Variants in MAFB observed in about 807,000 individuals in gnomAD.
The protein encoded by MAFB is MAF bZIP transcription factor B, also known as transcription factor MafB.
In MAFB, 3 loss-of-function variants were observed where a neutral mutation model predicts 17.7. The observed-to-expected ratio is 0.17, with a 90% CI of 0.08 to 0.44. The LOEUF (loss-of-function observed/expected upper bound fraction) is 0.44. Ranked by LOEUF, MAFB falls within the 20% of genes least tolerant of loss-of-function variation. MAFB has a pLI of 0.99. For synonymous variants in MAFB, 214 were observed against 211.5 expected, an observed-to-expected ratio of 1.01 and a Z score of -0.10; for missense variants, 355 against 461.3, an observed-to-expected ratio of 0.77 and a Z score of 2.11.
rs1600427637 is a variant in MAFB, at chr20:40,686,698, A to G, written c.*1181T>C. On this transcript the variant is annotated 3_prime_UTR_variant, in exon 1 of 1. Coordinates refer to ENST00000373313, the MANE Select transcript of MAFB (RefSeq NM_005461.5). Reference sequence around the variant, plus strand: ...CCTTTCCTTTCTTATTAAGGGTATCAATTTGACCATAAGACAAGGCTGTAG... The same window carrying G: ...CCTTTCCTTTCTTATTAAGGGTATCGATTTGACCATAAGACAAGGCTGTAG... The G allele has an allele frequency of 2.5e-6, 1 of 398,628 alleles. No homozygotes were observed. The highest frequency in any genetic ancestry group is 3.6e-5 in the East Asian group (1 of 28,076). The allele number at this position is 398,628 out of a possible 1,614,324, so 24.7% of individuals were successfully genotyped here. A position where few individuals can be genotyped will look rare whatever the true frequency, so the allele number is the denominator to read the frequency against.
chr20:40,688,041 C>T lies in MAFB; in HGVS notation c.810G>A (p.Lys270=), dbSNP rs770274525. 1.2e-6 allele frequency: 2 copies of T among 1,614,218 alleles called. No homozygotes were observed. The highest frequency in any genetic ancestry group is 1.7e-6 in the Non-Finnish European group (2 of 1,180,050). The change falls in exon 1 of 1, where the codon AAG becomes AAA. Residue 270 remains lysine, a synonymous_variant. Coordinates refer to ENST00000373313, the MANE Select transcript of MAFB (RefSeq NM_005461.5). ...VQQKHHLENE[K]TQLIQQVEQL... Reference sequence around the variant, plus strand: ...GCTCCACCTGCTGAATGAGCTGCGTCTTCTCATTCTCCAGGTGGTGCTTCT... The same window carrying T: ...GCTCCACCTGCTGAATGAGCTGCGTTTTCTCATTCTCCAGGTGGTGCTTCT...
Position 40,687,066 on chromosome 20 carries a change from C to A in MAFB, c.*813G>T, listed in dbSNP as rs1259067258. 3 of 398,800 alleles carry A rather than the reference C, an allele frequency of 7.5e-6. No individual in the cohort carries two copies. Among genetic ancestry groups the A allele is most frequent in the African/African-American group, 6.2e-5 (3 of 48,572 alleles). The allele number at this position is 398,800 out of a possible 1,614,324, so 24.7% of individuals were successfully genotyped here. A position where few individuals can be genotyped will look rare whatever the true frequency, so the allele number is the denominator to read the frequency against. On this transcript the variant is annotated 3_prime_UTR_variant, in exon 1 of 1. Coordinates refer to ENST00000373313, the MANE Select transcript of MAFB (RefSeq NM_005461.5). ...TTTGGCGGGGCGGGTATTTACAAGC[C>A]TACAGCTGGGACTGAAACCCCGCAC... is the stretch of plus-strand genomic sequence containing the variant.
rs778898331 is a variant in MAFB at position 40,687,894 on chromosome 20, G to T, written c.957C>A (p.Pro319=). 5.6e-6 allele frequency: 9 copies of T among 1,611,170 alleles called. No individual in the cohort carries two copies. The highest frequency in any genetic ancestry group is 6.8e-6 in the Non-Finnish European group (8 of 1,179,990). ...CGGCCACGACTCACAGAAAGAACTC[G>T]GGAGAGGAGGGGCTGTCGCTGGTGG... The part of the protein sequence containing the change: ...AGSTSDSPSS[P]EFFL The change falls in exon 1 of 1, where the codon CCC becomes CCA. Residue 319 remains proline (P), a synonymous_variant. Transcript: ENST00000373313.
chr20:40,688,524 T>C lies in MAFB; in HGVS notation c.327A>G (p.Glu109=). Residue 109 remains glutamate, a synonymous_variant, in exon 1 of 1, where the codon GAA becomes GAG. Coordinates refer to ENST00000373313, the MANE Select transcript of MAFB (RefSeq NM_005461.5). ...GCACTGGGTGCGAGCCGATGAGCGC[T>C]TCCACCGCGTCCTCGGGCGTCAGGT... ...ALNLTPEDAV[E]ALIGSHPVPQ... is the part of the protein sequence containing the mutation. 6.2e-7 allele frequency: 1 copy of C among 1,613,756 alleles called. No homozygotes were observed. The highest frequency in any genetic ancestry group is 1.7e-5 in the Admixed American group (1 of 60,034).
rs1200984996 is a variant in MAFB at position 40,687,306 on chromosome 20, G to A, written c.*573C>T. ...CAGGCAATAAAACTGATGAGATTTGGGCGCCGAGCGTCCTAACTGAGGCCT... is the reference window on the plus strand; with the variant it reads ...CAGGCAATAAAACTGATGAGATTTGAGCGCCGAGCGTCCTAACTGAGGCCT... On this transcript the variant is annotated 3_prime_UTR_variant, in exon 1 of 1. Coordinates refer to ENST00000373313, the MANE Select transcript of MAFB (RefSeq NM_005461.5). 6 of 397,392 alleles carry A rather than the reference G, an allele frequency of 1.5e-5. No homozygotes were observed. Among genetic ancestry groups the A allele is most frequent in the Non-Finnish European group, 2.7e-5 (6 of 225,834 alleles). 24.6% of individuals were successfully genotyped at this position (397,392 alleles called of 1,614,324 possible). A position where few individuals can be genotyped will look rare whatever the true frequency, so the allele number is the denominator to read the frequency against.
rs1986922133 is a variant in MAFB, at chr20:40,689,224, G to T, written c.-374C>A. On this transcript the variant is annotated 5_prime_UTR_variant, in exon 1 of 1. Coordinates refer to ENST00000373313, the MANE Select transcript of MAFB (RefSeq NM_005461.5). ...CTCGCTCGCAGCCGCTCGCAGCTCG[G>T]CGGTGCAGCTGTGCTGGATCCGGCG... The T allele has an allele frequency of 3.5e-6, 1 of 283,584 alleles. No homozygotes were observed. 17.6% of individuals were successfully genotyped at this position (283,584 alleles called of 1,614,324 possible).
rs1358873300 is a variant in MAFB, at chr20:40,686,647, G to A, written c.*1232C>T. ...AGGGTGATTCTGGTTACAATAAAAA[G>A]CAGAGGGGAGGATCTGTTTTCCTTT... On this transcript the variant is annotated 3_prime_UTR_variant, in exon 1 of 1. Coordinates refer to ENST00000373313, the MANE Select transcript of MAFB (RefSeq NM_005461.5). The A allele has an allele frequency of 2.5e-6, 1 of 398,308 alleles. No homozygotes were observed. The highest frequency in any genetic ancestry group is 4.4e-6 in the Non-Finnish European group (1 of 226,082). 24.7% of individuals were successfully genotyped at this position (398,308 alleles called of 1,614,324 possible). A position where few individuals can be genotyped will look rare whatever the true frequency, so the allele number is the denominator to read the frequency against.
rs1986827862 is a variant in MAFB, at chr20:40,686,358, G to T, written c.*1521C>A. On this transcript the variant is annotated 3_prime_UTR_variant, in exon 1 of 1. Coordinates refer to ENST00000373313, the MANE Select transcript of MAFB (RefSeq NM_005461.5). The stretch of plus-strand genomic sequence containing the variant: ...ACTACTATACAACTGAAGAATTGAA[G>T]GGGGGGGACACCACCAAGAACTCTT... The T allele has an allele frequency of 3.9e-6, 1 of 255,902 alleles. No individual in the cohort carries two copies. Among genetic ancestry groups the T allele is most frequent in the Admixed American group, 5.5e-5 (1 of 18,334 alleles). 15.9% of individuals were successfully genotyped at this position (255,902 alleles called of 1,614,324 possible). A position where few individuals can be genotyped will look rare whatever the true frequency, so the allele number is the denominator to read the frequency against.
In MAFB at chr20:40,687,090, ACG is replaced by A; in HGVS notation, c.*787_*788del. Reference sequence around the variant, plus strand: ...CCTACAGCTGGGACTGAAACCCCGCACGCAGCCGCCGGAGTTTCCAAACTGCG... The same window carrying A: ...CCTACAGCTGGGACTGAAACCCCGCACAGCCGCCGGAGTTTCCAAACTGCG... On this transcript the variant is annotated 3_prime_UTR_variant, in exon 1 of 1. Transcript: ENST00000373313. The A allele has an allele frequency of 2.5e-6, 1 of 399,006 alleles. No individual in the cohort carries two copies. The highest frequency in any genetic ancestry group is 3.6e-5 in the East Asian group (1 of 28,068). The allele number at this position is 399,006 out of a possible 1,614,324, so 24.7% of individuals were successfully genotyped here. A position where few individuals can be genotyped will look rare whatever the true frequency, so the allele number is the denominator to read the frequency against.
chr20:40,687,746 C>T lies in MAFB; in HGVS notation c.*133G>A. 2 of 1,179,892 alleles carry T rather than the reference C, an allele frequency of 1.7e-6. No homozygotes were observed. Among genetic ancestry groups the T allele is most frequent in the Non-Finnish European group, 1.2e-6 (1 of 864,648 alleles). The allele number at this position is 1,179,892 out of a possible 1,614,324, so 73.1% of individuals were successfully genotyped here. A position where few individuals can be genotyped will look rare whatever the true frequency, so the allele number is the denominator to read the frequency against. On this transcript the variant is annotated 3_prime_UTR_variant, in exon 1 of 1. Transcript: ENST00000373313. Reference sequence around the variant, plus strand: ...GTCGCCCGCGGCCCGCGCGCCCTTCCTCCCTCTCGCTCAAGTCAAACAGGT... The same window carrying T: ...GTCGCCCGCGGCCCGCGCGCCCTTCTTCCCTCTCGCTCAAGTCAAACAGGT...
chr20:40,688,280 C>A lies in MAFB; in HGVS notation c.571G>T (p.Gly191Trp). ...QQLPTSHPGP[G>W]PHATASATAA... ...GTCGCCGAGGCCGTCGCGTGCGGCC[C>A]GGGCCCGGGGTGGCTAGTGGGCAGC... is the stretch of plus-strand genomic sequence containing the variant. The change falls in exon 1 of 1, where the codon GGG becomes TGG. Residue 191 changes from glycine (G) to tryptophan (W), a missense_variant. Physicochemically the swap from Gly to Trp is radical, Grantham distance 184. This residue lies in a region of MAFB where 285 missense variants were observed against 350.0 expected (regional missense o/e 0.81). Transcript: ENST00000373313. 1 of 1,544,618 alleles carries A rather than the reference C, an allele frequency of 6.5e-7. No individual in the cohort carries two copies. Among genetic ancestry groups the A allele is most frequent in the Non-Finnish European group, 8.7e-7 (1 of 1,152,004 alleles).
Position 40,688,698 on chromosome 20 carries a change from T to A in MAFB, c.153A>T (p.Pro51=). ...GCGGTGTGGAGGACACCGAGCCGGCTGGCTGCAGGCGTGTGCAGGGCCTGC... is the reference window on the plus strand; with the variant it reads ...GCGGTGTGGAGGACACCGAGCCGGCAGGCTGCAGGCGTGTGCAGGGCCTGC... ...RPGRPCTRLQ[P]AGSVSSTPLS... is the part of the protein sequence containing the mutation. Residue 51 remains proline, a synonymous_variant, in exon 1 of 1, where the codon CCA becomes CCT. Transcript: ENST00000373313. 6.2e-7 allele frequency: 1 copy of A among 1,613,890 alleles called. No individual in the cohort carries two copies. Among genetic ancestry groups the A allele is most frequent in the Non-Finnish European group, 8.5e-7 (1 of 1,179,904 alleles).
In MAFB at chr20:40,688,812, G is replaced by A. The variant is rs1314916717; in HGVS notation, c.39C>T (p.Thr13=). 5 of 1,613,032 alleles carry A rather than the reference G, an allele frequency of 3.1e-6. No individual in the cohort carries two copies. In the South Asian group the frequency reaches 4.4e-5, roughly 14 times the overall value. The change falls in exon 1 of 1, where the codon ACC becomes ACT. Residue 13 remains threonine, a synonymous_variant. Transcript: ENST00000373313. Reference sequence around the variant, plus strand: ...TGACATACTCCATGGCCAGCGGGCTGGTGGGCAGCTCTGGCCCCATGCTCA... The same window carrying A: ...TGACATACTCCATGGCCAGCGGGCTAGTGGGCAGCTCTGGCCCCATGCTCA... The part of the protein sequence containing the change: ...AELSMGPELP[T]SPLAMEYVND...
Position 40,689,207 on chromosome 20 carries a change from C to A in MAFB, c.-357G>T. 3.4e-6 allele frequency: 1 copy of A among 298,038 alleles called. No homozygotes were observed. Among genetic ancestry groups the A allele is most frequent in the Non-Finnish European group, 6.3e-6 (1 of 159,010 alleles). The allele number at this position is 298,038 out of a possible 1,614,324, so 18.5% of individuals were successfully genotyped here. On this transcript the variant is annotated 5_prime_UTR_variant, in exon 1 of 1. Coordinates refer to ENST00000373313, the MANE Select transcript of MAFB (RefSeq NM_005461.5). Reference sequence around the variant, plus strand: ...TCTTGCTCTTACGCTCTCTCGCTCGCAGCCGCTCGCAGCTCGGCGGTGCAG... The same window carrying A: ...TCTTGCTCTTACGCTCTCTCGCTCGAAGCCGCTCGCAGCTCGGCGGTGCAG...
chr20:40,687,875 C>T lies in MAFB; in HGVS notation c.*4G>A. ...CAAGGGCGGGGGCCAGGACCGGCCA[C>T]GACTCACAGAAAGAACTCGGGAGAG... On this transcript the variant is annotated 3_prime_UTR_variant, in exon 1 of 1. Coordinates refer to ENST00000373313, the MANE Select transcript of MAFB (RefSeq NM_005461.5). 1 of 1,608,248 alleles carries T rather than the reference C, an allele frequency of 6.2e-7. No individual in the cohort carries two copies. The highest frequency in any genetic ancestry group is 8.5e-7 in the Non-Finnish European group (1 of 1,179,730).
chr20:40,687,638 G>C lies in MAFB; in HGVS notation c.*241C>G. 1.7e-6 allele frequency: 1 copy of C among 594,252 alleles called. No homozygotes were observed. Among genetic ancestry groups the C allele is most frequent in the Admixed American group, 3.0e-5 (1 of 33,686 alleles). 36.8% of individuals were successfully genotyped at this position (594,252 alleles called of 1,614,324 possible). The stretch of plus-strand genomic sequence containing the variant: ...TCCCACCCTCTCGTCTCTCTCTCCG[G>C]CTCTGCTCGAGTCTAGGAGGCGGCG... On this transcript the variant is annotated 3_prime_UTR_variant, in exon 1 of 1. Transcript: ENST00000373313.
At position 40,688,957 on chromosome 20, in the gene MAFB, G is replaced by A. The variant is rs1219254013; in HGVS notation, c.-107C>T. 1.7e-5 allele frequency: 24 copies of A among 1,383,992 alleles called. No homozygotes were observed. The Admixed American group carries it at 5.4e-4, about 31-fold the overall frequency. 85.7% of individuals were successfully genotyped at this position (1,383,992 alleles called of 1,614,324 possible). A position where few individuals can be genotyped will look rare whatever the true frequency, so the allele number is the denominator to read the frequency against. ...AAGAGCGGAGAAGAGCTGGGGAGGC[G>A]GGGAGCGAGGGCGCAGCGGGCCGGG... is the stretch of plus-strand genomic sequence containing the variant. On this transcript the variant is annotated 5_prime_UTR_variant, in exon 1 of 1. Coordinates refer to ENST00000373313, the MANE Select transcript of MAFB (RefSeq NM_005461.5).
Position 40,687,916 on chromosome 20 carries a change from G to T in MAFB, c.935C>A (p.Thr312Asn). Reference sequence around the variant, plus strand: ...CTCGGGAGAGGAGGGGCTGTCGCTGGTGGAGCCCGCCTCCCTGAAGCCGGA... The same window carrying T: ...CTCGGGAGAGGAGGGGCTGTCGCTGTTGGAGCCCGCCTCCCTGAAGCCGGA... The part of the protein sequence containing the change: ...ANSGFREAGS[T>N]SDSPSSPEFF... The change falls in exon 1 of 1, where the codon ACC (threonine) becomes AAC (asparagine). Residue 312 changes from threonine (T) to asparagine (N), a missense_variant. By Grantham distance (65) the Thr-to-Asn change is moderately conservative. Transcript: ENST00000373313. 2 of 1,612,690 alleles carry T rather than the reference G, an allele frequency of 1.2e-6. No homozygotes were observed. Among genetic ancestry groups the T allele is most frequent in the Non-Finnish European group, 1.7e-6 (2 of 1,180,032 alleles).
Position 40,687,895 on chromosome 20 carries a change from G to A in MAFB, c.956C>T (p.Pro319Leu). The A allele has an allele frequency of 6.2e-7, 1 of 1,611,284 alleles. No homozygotes were observed. The change falls in exon 1 of 1, where the codon CCC becomes CTC. Residue 319 changes from proline to leucine, a missense_variant. Around this residue, in one of 3 missense-constraint regions of MAFB, gnomAD observed 63 missense variants for 69.4 expected, o/e 0.91. Coordinates refer to ENST00000373313, the MANE Select transcript of MAFB (RefSeq NM_005461.5). The part of the protein sequence containing the change: ...AGSTSDSPSS[P>L]EFFL ...GGCCACGACTCACAGAAAGAACTCG[G>A]GAGAGGAGGGGCTGTCGCTGGTGGA...
Sources: allele counts gnomAD v4.1 joint callset, GRCh38; gene constraint gnomAD v4.1.1; regional missense constraint gnomAD v4.1.1; transcripts MANE v1.5; gene names NCBI Gene and HGNC (gene_info 2026-07-23, HGNC 2026-07-21).